Variants in SPHK2 observed in about 807,000 individuals in gnomAD.
The protein encoded by SPHK2 is sphingosine kinase 2.
SPHK2 carries 18 observed loss-of-function variants against 32.3 expected under a neutral mutation model. The ratio of observed to expected loss-of-function variants is 0.56; its 90% CI spans 0.39 to 0.83. The LOEUF (loss-of-function observed/expected upper bound fraction) is 0.83. Among genes scored for constraint, SPHK2 ranks in the 40% least tolerant of loss-of-function variants. The probability of loss-of-function intolerance (pLI) is 0.00; values close to 1 mark genes in which losing one functional copy is unlikely to be tolerated. For missense variants in SPHK2, 850 were observed against 908.7 expected (o/e 0.94, Z 0.83); for synonymous variants, 462 against 417.6 (o/e 1.11, Z -1.30).
At position 48,627,817 on chromosome 19, in the gene SPHK2, C is replaced by T. The variant is rs374164951; in HGVS notation, c.637C>T (p.Leu213=). Reference sequence around the variant, plus strand: ...GCTTCCCATGATCTCTGAAGCTGGGCTGTCCTTCAACCTCATCCAGACAGG... The same window carrying T: ...GCTTCCCATGATCTCTGAAGCTGGGTTGTCCTTCAACCTCATCCAGACAGG... ...HVLPMISEAG[L]SFNLIQTERQ... is the part of the protein sequence containing the mutation. The change falls in exon 4 of 7, where the codon CTG becomes TTG. Residue 213 remains leucine, a synonymous_variant. Coordinates refer to ENST00000245222, the MANE Select transcript of SPHK2 (RefSeq NM_020126.5). 2.2e-5 allele frequency: 36 copies of T among 1,612,862 alleles called. No individual in the cohort carries two copies. Among genetic ancestry groups the T allele is most frequent in the Non-Finnish European group, 3.0e-5 (35 of 1,179,448 alleles).
In SPHK2 at chr19:48,629,684, G is replaced by T. The variant is rs750542828; in HGVS notation, c.1876G>T (p.Val626Leu). ...CGTGCTCACAGTGGACGGGGAGCAG[G>T]TGGAGTATGGGCCGCTACAGGCACA... The part of the protein sequence containing the change: ...RGVLTVDGEQ[V>L]EYGPLQAQMH... The change falls in exon 7 of 7, where the codon GTG (valine) becomes TTG (leucine). Residue 626 changes from valine to leucine, a missense_variant. This residue lies in a region of SPHK2 where 306 missense variants were observed against 268.6 expected (regional missense o/e 1.14). Coordinates refer to ENST00000245222, the MANE Select transcript of SPHK2 (RefSeq NM_020126.5). The T allele has an allele frequency of 6.2e-7, 1 of 1,609,104 alleles. No individual in the cohort carries two copies. The highest frequency in any genetic ancestry group is 1.7e-4 in the Middle Eastern group (1 of 6,056).
At position 48,629,796 on chromosome 19, in the gene SPHK2, C is replaced by T. The variant is rs933183626; in HGVS notation, c.*23C>T. 3.9e-6 allele frequency: 6 copies of T among 1,536,372 alleles called. No individual in the cohort carries two copies. The highest frequency in any genetic ancestry group is 5.3e-6 in the Non-Finnish European group (6 of 1,139,850). ...TGAAACTAAACAAGCTTGGTACCCG[C>T]CGGGGGCGGGGCCTACATTCCAATG... On this transcript the variant is annotated 3_prime_UTR_variant, in exon 7 of 7. Coordinates refer to ENST00000245222, the MANE Select transcript of SPHK2 (RefSeq NM_020126.5).
chr19:48,630,250 G>A lies in SPHK2; in HGVS notation c.*477G>A, dbSNP rs957152810. 108 of 1,274,162 alleles carry A rather than the reference G, an allele frequency of 8.5e-5. No individual in the cohort carries two copies. Among genetic ancestry groups the A allele is most frequent in the Middle Eastern group, 3.0e-4 (1 of 3,334 alleles). The allele number at this position is 1,274,162 out of a possible 1,614,324, so 78.9% of individuals were successfully genotyped here. On this transcript the variant is annotated 3_prime_UTR_variant, in exon 7 of 7. Coordinates refer to ENST00000245222, the MANE Select transcript of SPHK2 (RefSeq NM_020126.5). This position sits in a 1 kb window ranked among gnomAD's most constrained non-coding sequence, Gnocchi z 4.9. ...TCAGCCCAGGAGGGGCAGGTTCCCC[G>A]GGGCCGGCGCTAGGATTTGCACTAA...
intron 2 of SPHK2, chr19:48,625,531 A>G: frequency 1.6e-6 from 2 of 1,256,008 alleles, no homozygotes; most frequent in East Asian, 4.4e-5. Context: ...AACCACCTGT[A>G]TATTTCAATC....
chr19:48,626,007 T>C lies in SPHK2; in HGVS notation c.156T>C (p.His52=), dbSNP rs1331197693. The C allele has an allele frequency of 9.3e-6, 15 of 1,613,284 alleles. No homozygotes were observed. Among genetic ancestry groups the C allele is most frequent in the Middle Eastern group, 1.6e-4 (1 of 6,084 alleles). ...TGGCTGCCAGCACCCCGCTCCTCCA[T>C]GGCGAGTTTGGCTCCTACCCAGCCC... is the stretch of plus-strand genomic sequence containing the variant. ...PPLAASTPLL[H]GEFGSYPARG... Residue 52 remains histidine (H), a synonymous_variant, in exon 3 of 7, where the codon CAT becomes CAC. Transcript: ENST00000245222.
chr19:48,629,632 C>T lies in SPHK2; in HGVS notation c.1824C>T (p.Phe608=), dbSNP rs1281078848. ...PQLGYAAARA[F]RLEPLTPRGV... ...TGGGCTACGCCGCGGCCCGTGCCTTCCGCCTAGAGCCGCTCACACCACGCG... is the reference window on the plus strand; with the variant it reads ...TGGGCTACGCCGCGGCCCGTGCCTTTCGCCTAGAGCCGCTCACACCACGCG... The change falls in exon 7 of 7, where the codon TTC becomes TTT. Residue 608 remains phenylalanine (F), a synonymous_variant. Transcript: ENST00000245222. The T allele has an allele frequency of 6.2e-7, 1 of 1,600,030 alleles. No homozygotes were observed. The highest frequency in any genetic ancestry group is 8.5e-7 in the Non-Finnish European group (1 of 1,174,058).
intron 2 of SPHK2, 52 bp downstream of exon 2, chr19:48,620,605 T>C: frequency 7.2e-7 from 1 of 1,388,474 alleles, no homozygotes; most frequent in Non-Finnish European, 9.8e-7. Context: ...AGACAAAATC[T>C]GAAGCTTTTC....
chr19:48,621,945 G>A (rs573049206), intron 2 of SPHK2, among the ~76,000 whole-genome samples: 2 of 152,222 alleles, frequency 1.3e-5, no homozygotes, highest in East Asian at 3.9e-4. Flanking sequence ...AGAAAAACAG[G>A]CAGTTAATTT....
rs921289697 is a variant in SPHK2 at position 48,629,820 on chromosome 19, T to C, written c.*47T>C. 2.0e-6 allele frequency: 3 copies of C among 1,519,216 alleles called. No homozygotes were observed. Among genetic ancestry groups the C allele is most frequent in the African/African-American group, 2.8e-5 (2 of 71,942 alleles). The allele number at this position is 1,519,216 out of a possible 1,614,324, so 94.1% of individuals were successfully genotyped here. A position where few individuals can be genotyped will look rare whatever the true frequency, so the allele number is the denominator to read the frequency against. Reference sequence around the variant, plus strand: ...GCCGGGGGCGGGGCCTACATTCCAATGGGGCGGAGCCTGAGCTAGGGGGTG... The same window carrying C: ...GCCGGGGGCGGGGCCTACATTCCAACGGGGCGGAGCCTGAGCTAGGGGGTG... On this transcript the variant is annotated 3_prime_UTR_variant, in exon 7 of 7. Transcript: ENST00000245222.
At chr19:48,623,803 T>G (rs1289472794) in intron 2 of SPHK2, 1 of 152,342 alleles carries the variant, frequency 6.6e-6, no homozygotes, top group East Asian at 1.9e-4. Flanking sequence ...TTTCAGGGTT[T>G]TCTTGTATCC....
At chr19:48,626,585 C>T (rs976058976) in intron 3 of SPHK2, 20 of 532,130 alleles carry the variant, frequency 3.8e-5, no homozygotes, top group Middle Eastern at 5.0e-4. Context: ...GAGGCTGAGG[C>T]GGGTGGATCA....
chr19:48,619,703 T>C (rs1053351402), intron 1 of SPHK2, 160 bp downstream of exon 1: 1 of 163,964 alleles, frequency 6.1e-6, no homozygotes, highest in Non-Finnish European at 1.4e-5. Context: ...TAACCCGAGA[T>C]GATCTTGCTG....
At chr19:48,619,960 GC>G (rs1406569568) in intron 1 of SPHK2, among the ~76,000 whole-genome samples, 1 of 152,070 alleles carries the variant, frequency 6.6e-6, no homozygotes, top group Non-Finnish European at 1.5e-5. Flanking sequence ...GTGAGATGGG[GC>G]CTTGCAAGGC....
At chr19:48,622,129 C>T (rs951419583) in intron 2 of SPHK2, among the ~76,000 whole-genome samples, 8 of 152,102 alleles carry the variant, frequency 5.3e-5, no homozygotes, top group Non-Finnish European at 8.8e-5. Flanking sequence ...TGGTGGCGCG[C>T]GCCTGTAGTC....
Position 48,625,904 on chromosome 19 carries a change from A to T in SPHK2, c.53A>T (p.Glu18Val), listed in dbSNP as rs565112752. The T allele has an allele frequency of 1.9e-6, 3 of 1,612,036 alleles. No homozygotes were observed. In the South Asian group the frequency reaches 3.3e-5, roughly 18 times the overall value. ...EEQQDQRPDQELTGSWGHGPR... is the reference protein window; with the variant it reads ...EEQQDQRPDQVLTGSWGHGPR... ...CCCTTCCCACAGAGGCCAGACCAGG[A>T]GCTGACCGGGAGCTGGGGCCACGGG... The change falls in exon 3 of 7, where the codon GAG (glutamate) becomes GTG (valine). Residue 18 changes from glutamate to valine, a missense_variant. By Grantham distance (121) the Glu-to-Val change is moderately radical. Transcript: ENST00000245222.
intron 1 of SPHK2, 144 bp from the exon 2 acceptor site, chr19:48,620,258 G>C (rs980428540): frequency 4.7e-5 from 23 of 487,732 alleles, no homozygotes; most frequent in African/African-American, 4.5e-4. Context: ...TGGACTGGCT[G>C]GGGCAGTGAT....
chr19:48,622,758 T>TC (rs1491340104), intron 2 of SPHK2, among the ~76,000 whole-genome samples: 7 of 107,284 alleles, frequency 6.5e-5, no homozygotes, highest in Non-Finnish European at 1.2e-4. Flanking sequence ...TTTGTCTCTC[T>TC]TTTTTTTTTT....
Position 48,620,649 on chromosome 19 carries a change from C to G in SPHK2, c.39+96C>G, listed in dbSNP as rs986332781. On this transcript the variant is annotated intron_variant, in intron 2 of 6. Coordinates refer to ENST00000245222, the MANE Select transcript of SPHK2 (RefSeq NM_020126.5). ...AAAAAAAAAAAAATTGGAGGCCAGGCGTGGTAGCTCAAGCTTGTAATCCCA... is the reference window on the plus strand; with the variant it reads ...AAAAAAAAAAAAATTGGAGGCCAGGGGTGGTAGCTCAAGCTTGTAATCCCA... 1.1e-4 allele frequency: 115 copies of G among 1,070,310 alleles called. No individual in the cohort carries two copies. The African/African-American group carries it at 1.7e-3, about 15-fold the overall frequency. The allele number at this position is 1,070,310 out of a possible 1,614,324, so 66.3% of individuals were successfully genotyped here. A position where few individuals can be genotyped will look rare whatever the true frequency, so the allele number is the denominator to read the frequency against.
intron 2 of SPHK2, among the ~76,000 whole-genome samples, chr19:48,622,349 C>T (rs962439328): frequency 1.3e-5 from 2 of 151,940 alleles, no homozygotes; most frequent in South Asian, 2.1e-4. Context: ...TGAGTTTTTG[C>T]TTACACATTC....
Sources: allele counts gnomAD v4.1 joint callset (sites outside exome capture counted in the v4.1 genomes callset), GRCh38; gene constraint gnomAD v4.1.1; regional missense constraint gnomAD v4.1.1; non-coding constraint Gnocchi (gnomAD v3.1); transcripts MANE v1.5; gene names NCBI Gene and HGNC (gene_info 2026-07-23, HGNC 2026-07-21).